LRPPRC: variants seen among roughly 807,000 people sequenced by gnomAD.
The protein encoded by LRPPRC is leucine-rich PPR motif-containing protein, mitochondrial.
A neutral mutation model predicts 180.3 loss-of-function variants in LRPPRC; 120 were observed. The ratio of observed to expected loss-of-function variants is 0.67; its 90% CI spans 0.57 to 0.77. LRPPRC has a LOEUF of 0.77. LRPPRC is among the 30% of genes least tolerant of loss of function. LRPPRC has a pLI of 0.00. For synonymous variants in LRPPRC, 723 were observed against 600.0 expected (o/e 1.21, Z -3.00); for missense variants, 2,012 against 1,657.2 (o/e 1.21, Z -3.72).
chr2:43,980,224 T>C (rs1468424668), intron 2 of LRPPRC, among the ~76,000 whole-genome samples: 2 of 152,172 alleles, frequency 1.3e-5, no homozygotes, highest in Non-Finnish European at 2.9e-5. Flanking sequence ...ACCTACTTTA[T>C]AGGCAGTGCT....
At chr2:43,972,426 C>G (rs1369069514) in intron 11 of LRPPRC, among the ~76,000 whole-genome samples, 1 of 152,154 alleles carries the variant, frequency 6.6e-6, no homozygotes, top group Non-Finnish European at 1.5e-5. Flanking sequence ...TTGTGGAAAG[C>G]AGATTAACCT....
intron 12 of LRPPRC, among the ~76,000 whole-genome samples, chr2:43,963,256 C>A (rs936529124): frequency 1.3e-5 from 2 of 152,038 alleles, no homozygotes; most frequent in Non-Finnish European, 2.9e-5. Context: ...TCCAGCCCGA[C>A]CAACATGGAG....
At chr2:43,956,085 A>AC (rs1271278827) in intron 14 of LRPPRC, among the ~76,000 whole-genome samples, 1 of 151,884 alleles carries the variant, frequency 6.6e-6, no homozygotes, top group African/African-American at 2.4e-5. Context: ...AAAAAAAAAA[A>AC]CAGAAAAATA....
At chr2:43,934,698 T>A in intron 24 of LRPPRC, 56 bp downstream of exon 24, 1 of 1,525,212 alleles carries the variant, frequency 6.6e-7, no homozygotes, top group Non-Finnish European at 9.1e-7. Context: ...TACACTAAGA[T>A]TAAATCAGCA....
At position 43,946,186 on chromosome 2, in the gene LRPPRC, C is replaced by T; in HGVS notation, c.2137G>A (p.Gly713Ser). The change falls in exon 21 of 38, where the codon GGC becomes AGC. Residue 713 changes from glycine (G) to serine (S), a missense_variant. Coordinates refer to ENST00000260665, the MANE Select transcript of LRPPRC (RefSeq NM_133259.4). ...AKYESDMVTGGYAALINLCCR... is the reference protein window; with the variant it reads ...AKYESDMVTGSYAALINLCCR... ...CATAAATTTATTAAAGCTGCATAGC[C>T]ACCAGTAACCATGTCGGATTCATAT... 6.2e-7 allele frequency: 1 copy of T among 1,610,778 alleles called. No homozygotes were observed. Among genetic ancestry groups the T allele is most frequent in the Non-Finnish European group, 8.5e-7 (1 of 1,177,216 alleles).
Position 43,945,542 on chromosome 2 carries a change from T to A in LRPPRC, c.2211-125A>T, listed in dbSNP as rs1215509611. On this transcript the variant is annotated intron_variant, in intron 21 of 37. Transcript: ENST00000260665. ...CCTGAACTAATGTTGGCCTCTACGCTTCAGTTAGGATTTCTTTTTGAAGCC... is the reference window on the plus strand; with the variant it reads ...CCTGAACTAATGTTGGCCTCTACGCATCAGTTAGGATTTCTTTTTGAAGCC... The A allele has an allele frequency of 7.2e-6, 5 of 692,182 alleles. No homozygotes were observed. The East Asian group carries it at 1.4e-4, about 19-fold the overall frequency. The allele number at this position is 692,182 out of a possible 1,614,324, so 42.9% of individuals were successfully genotyped here.
chr2:43,950,121 A>C (rs1399175904), intron 15 of LRPPRC, among the ~76,000 whole-genome samples: 1 of 152,224 alleles, frequency 6.6e-6, no homozygotes, highest in African/African-American at 2.4e-5. Context: ...TACATTTTTT[A>C]GATATTTAAT....
intron 11 of LRPPRC, among the ~76,000 whole-genome samples, chr2:43,971,711 C>T (rs1673821740): frequency 6.6e-6 from 1 of 151,912 alleles, no homozygotes; most frequent in Non-Finnish European, 1.5e-5. Flanking sequence ...ACGTGACTTT[C>T]ACTGGACAAA....
At chr2:43,967,762 T>C (rs1673626426) in intron 11 of LRPPRC, among the ~76,000 whole-genome samples, 1 of 152,208 alleles carries the variant, frequency 6.6e-6, no homozygotes, top group African/African-American at 2.4e-5. Flanking sequence ...TAAGAGAACA[T>C]GCATGTAGAG....
intron 31 of LRPPRC, among the ~76,000 whole-genome samples, chr2:43,905,095 T>A (rs1349391688): frequency 6.6e-6 from 1 of 152,184 alleles, no homozygotes; most frequent in East Asian, 1.9e-4. Flanking sequence ...TCAGGTGTCA[T>A]TCTCTTAACA....
Position 43,976,156 on chromosome 2 carries a change from G to A in LRPPRC, c.724C>T (p.His242Tyr), listed in dbSNP as rs770320070. ...EAVFSALVTG[H>Y]ARAGDMENAE... is the part of the protein sequence containing the mutation. ...GTTGAACATTACCCAGCTCTGGCAT[G>A]CCCTGTCACAAGGGCACTGAATACT... The change falls in exon 6 of 38, where the codon CAT becomes TAT. Residue 242 changes from histidine to tyrosine, a missense_variant. Transcript: ENST00000260665. 6.2e-7 allele frequency: 1 copy of A among 1,605,420 alleles called. No homozygotes were observed. Among genetic ancestry groups the A allele is most frequent in the Admixed American group, 1.7e-5 (1 of 60,004 alleles).
chr2:43,979,720 C>G, intron 3 of LRPPRC, 106 bp downstream of exon 3: 2 of 906,260 alleles, frequency 2.2e-6, no homozygotes, highest in Non-Finnish European at 3.6e-6. Flanking sequence ...AATCAAGTAG[C>G]CCTTCCATAA....
At chr2:43,943,107 A>C (rs946223139) in intron 23 of LRPPRC, among the ~76,000 whole-genome samples, 4 of 152,086 alleles carry the variant, frequency 2.6e-5, no homozygotes, top group Non-Finnish European at 1.5e-5. Context: ...AAAATGTTTT[A>C]TTCATTATAA....
At chr2:43,984,074 C>T (rs1674424954) in intron 1 of LRPPRC, among the ~76,000 whole-genome samples, 3 of 151,844 alleles carry the variant, frequency 2.0e-5, no homozygotes, top group Admixed American at 1.3e-4. Flanking sequence ...GAAGATATAC[C>T]CTTAAAATAA....
chr2:43,899,563 A>T lies in LRPPRC; in HGVS notation c.3612T>A (p.Leu1204=), dbSNP rs1178326039. The change falls in exon 33 of 38, where the codon CTT becomes CTA. Residue 1204 remains leucine, a synonymous_variant. Coordinates refer to ENST00000260665, the MANE Select transcript of LRPPRC (RefSeq NM_133259.4). Reference sequence around the variant, plus strand: ...GTTCAATGACTTTATTCTCTGAAGTAAGCATATTTTCAATGTTTTCTATTG... The same window carrying T: ...GTTCAATGACTTTATTCTCTGAAGTTAGCATATTTTCAATGTTTTCTATTG... ...DAAIENIENM[L]TSENKVIEPQ... is the part of the protein sequence containing the mutation. 2.5e-6 allele frequency: 4 copies of T among 1,609,948 alleles called. No individual in the cohort carries two copies. The highest frequency in any genetic ancestry group is 1.3e-5 in the African/African-American group (1 of 74,858).
intron 29 of LRPPRC, 22 bp from the exon 30 acceptor site, chr2:43,912,580 A>G: frequency 6.3e-7 from 1 of 1,599,554 alleles, no homozygotes; most frequent in Non-Finnish European, 8.6e-7. Flanking sequence ...AACAGACAAA[A>G]AAAATGAGAT....
In LRPPRC at chr2:43,934,720, A is replaced by G. The variant is rs200319136; in HGVS notation, c.2629+34T>C. On this transcript the variant is annotated intron_variant, in intron 24 of 37. Coordinates refer to ENST00000260665, the MANE Select transcript of LRPPRC (RefSeq NM_133259.4). ...AGATTAAATCAGCAAGAAGGGAAAA[A>G]AAAACTACATTAAGATACTAGAAAG... 1.0e-4 allele frequency: 163 copies of G among 1,607,588 alleles called. No homozygotes were observed. In the African/African-American group the frequency reaches 1.9e-3, roughly 19 times the overall value.
At chr2:43,954,674 C>T (rs1304512163) in intron 14 of LRPPRC, among the ~76,000 whole-genome samples, 1 of 152,118 alleles carries the variant, frequency 6.6e-6, no homozygotes, top group South Asian at 2.1e-4. Context: ...CACACATGTG[C>T]ATGCATGTGC....
chr2:43,936,834 G>A (rs1407515814), intron 23 of LRPPRC, among the ~76,000 whole-genome samples: 1 of 152,098 alleles, frequency 6.6e-6, no homozygotes, highest in African/African-American at 2.4e-5. Flanking sequence ...TTGCAGGCTG[G>A]ATTACTGTCA....
Sources: allele counts gnomAD v4.1 joint callset (sites outside exome capture counted in the v4.1 genomes callset), GRCh38; gene constraint gnomAD v4.1.1; transcripts MANE v1.5; gene names NCBI Gene and HGNC (gene_info 2026-07-23, HGNC 2026-07-21).